Variants in RXRA observed in about 807,000 individuals in gnomAD.
The protein encoded by RXRA is retinoid X receptor alpha.
RXRA carries 5 observed loss-of-function variants against 44.5 expected under a neutral mutation model. The observed-to-expected ratio is 0.11, with a 90% CI of 0.06 to 0.24. The LOEUF (loss-of-function observed/expected upper bound fraction) is 0.24. Ranked by LOEUF, RXRA falls within the 10% of genes least tolerant of loss-of-function variation. The pLI, the probability that RXRA is intolerant of heterozygous loss-of-function variation, is 1.00. For missense variants in RXRA, 412 were observed against 646.5 expected, an observed-to-expected ratio of 0.64 and a Z score of 3.93; for synonymous variants, 291 against 271.4, an observed-to-expected ratio of 1.07 and a Z score of -0.71.
At chr9:134,340,005 G>T (rs1224983088) in intron 1 of RXRA, among the ~76,000 whole-genome samples, 2 of 152,190 alleles carry the variant, frequency 1.3e-5, no homozygotes, top group African/African-American at 4.8e-5. Flanking sequence ...GCACATCTGT[G>T]TCCATGTCTG....
chr9:134,408,882 G>A (rs956088174), intron 3 of RXRA, 58 bp from the exon 4 acceptor site: 285 of 1,428,588 alleles, frequency 2.0e-4, no homozygotes, highest in Non-Finnish European at 2.6e-4. Context: ...TGGATGGGGG[G>A]TGGGCTCCCT....
At chr9:134,395,809 C>T (rs1393022580) in intron 1 of RXRA, among the ~76,000 whole-genome samples, 3 of 152,254 alleles carry the variant, frequency 2.0e-5, no homozygotes, top group African/African-American at 7.2e-5. Context: ...CCAATCTGGC[C>T]TGTCCTCAGA....
At chr9:134,364,406 G>T (rs1267476185) in intron 1 of RXRA, among the ~76,000 whole-genome samples, 1 of 152,230 alleles carries the variant, frequency 6.6e-6, no homozygotes, top group East Asian at 1.9e-4. Flanking sequence ...CCGACTCCAG[G>T]AAGGGCCTAG....
intron 1 of RXRA, among the ~76,000 whole-genome samples, chr9:134,380,526 G>C (rs1830628017): frequency 6.6e-6 from 1 of 152,134 alleles, no homozygotes; most frequent in African/African-American, 2.4e-5. Context: ...AGGCTGGGAG[G>C]TAGACAGGAC....
At chr9:134,350,993 C>G (rs149124433) in intron 1 of RXRA, among the ~76,000 whole-genome samples, 1 of 152,256 alleles carries the variant, frequency 6.6e-6, no homozygotes, top group Non-Finnish European at 1.5e-5. Flanking sequence ...GCTGAGCATC[C>G]CTCACCTGCC....
intron 1 of RXRA, among the ~76,000 whole-genome samples, chr9:134,337,326 G>C (rs1830022675): frequency 6.6e-6 from 1 of 152,120 alleles, no homozygotes; most frequent in Non-Finnish European, 1.5e-5. Context: ...CTGTCTGTCC[G>C]TCCGTCCATC....
intron 1 of RXRA, among the ~76,000 whole-genome samples, chr9:134,364,767 A>G (rs1041864260): frequency 6.6e-6 from 1 of 152,210 alleles, no homozygotes; most frequent in Non-Finnish European, 1.5e-5. Flanking sequence ...CTGGGGTTCC[A>G]TGCTTTGCCC....
At chr9:134,427,643 A>G (rs1256715280) in intron 6 of RXRA, among the ~76,000 whole-genome samples, 9 of 152,162 alleles carry the variant, frequency 5.9e-5, no homozygotes, top group African/African-American at 1.7e-4. Context: ...TGAAATGGGG[A>G]GAATGGGGAC....
chr9:134,427,590 G>A (rs1831455963), intron 6 of RXRA, among the ~76,000 whole-genome samples: 1 of 152,204 alleles, frequency 6.6e-6, no homozygotes, highest in Non-Finnish European at 1.5e-5. Context: ...GGGCGGCCTC[G>A]GGGGTGGGAA....
chr9:134,361,952 G>A (rs779245632), intron 1 of RXRA, among the ~76,000 whole-genome samples: 6 of 152,312 alleles, frequency 3.9e-5, no homozygotes, highest in South Asian at 2.1e-4. Context: ...CTCCGGCTGC[G>A]CTGGGTTTCT....
chr9:134,435,862 G>A (rs1030864881), intron 9 of RXRA, among the ~76,000 whole-genome samples: 2 of 152,168 alleles, frequency 1.3e-5, no homozygotes, highest in Non-Finnish European at 2.9e-5. Context: ...CGGCTGTCAT[G>A]GCCCACAGTT....
intron 1 of RXRA, among the ~76,000 whole-genome samples, chr9:134,359,137 G>A (rs1461248451): frequency 6.6e-6 from 1 of 152,112 alleles, no homozygotes; most frequent in Non-Finnish European, 1.5e-5. Flanking sequence ...GAAGGCAGAG[G>A]TGTTCTTCCT....
chr9:134,376,183 G>A (rs1244458534), intron 1 of RXRA, among the ~76,000 whole-genome samples: 2 of 152,210 alleles, frequency 1.3e-5, no homozygotes, highest in African/African-American at 4.8e-5. Flanking sequence ...CTCTGCAGGC[G>A]CAGCCAGGCC....
At chr9:134,362,436 A>G (rs940531670) in intron 1 of RXRA, among the ~76,000 whole-genome samples, 18 of 152,156 alleles carry the variant, frequency 1.2e-4, no homozygotes, top group Admixed American at 2.6e-4. Flanking sequence ...TCATGCCACA[A>G]ACTGTGTTTC....
intron 1 of RXRA, among the ~76,000 whole-genome samples, chr9:134,378,013 C>G (rs1216766002): frequency 2.6e-5 from 4 of 152,268 alleles, no homozygotes; most frequent in African/African-American, 9.6e-5. Context: ...GGCCTGGCCC[C>G]TGTGCTGTCC....
chr9:134,401,403 C>G (rs548289218), intron 1 of RXRA: 1 of 650,366 alleles, frequency 1.5e-6, no homozygotes, highest in African/African-American at 1.8e-5. Flanking sequence ...CAGGCCCAGC[C>G]TAAAGCCGGG....
chr9:134,342,457 G>A lies in RXRA; in HGVS notation c.28+15798G>A, dbSNP rs1830097067. 6.6e-6 allele frequency among the ~76,000 whole-genome samples: 1 copy of A among 152,238 alleles called. No homozygotes were observed. Among genetic ancestry groups the A allele is most frequent in the African/African-American group, 2.4e-5 (1 of 41,458 alleles). On this transcript the variant is annotated intron_variant, in intron 1 of 9. Transcript: ENST00000481739. This position sits in a 1 kb window ranked among gnomAD's most constrained non-coding sequence, Gnocchi z 4.4. ...TTCCCTGCCAGGAAACTGAGGCACAGAGAGCAGGGGTCCCCCAGGTGGTCA... is the reference window on the plus strand; with the variant it reads ...TTCCCTGCCAGGAAACTGAGGCACAAAGAGCAGGGGTCCCCCAGGTGGTCA...
rs563547236 is a variant in RXRA, at chr9:134,382,724, A to G, written c.29-18908A>G. Among the ~76,000 whole-genome samples, 286 of 152,182 alleles carry G rather than the reference A, an allele frequency of 1.9e-3. 1 individual carries two copies. Among genetic ancestry groups the G allele is most frequent in the African/African-American group, 6.6e-3 (272 of 41,518 alleles). On this transcript the variant is annotated intron_variant, in intron 1 of 9. Coordinates refer to ENST00000481739, the MANE Select transcript of RXRA (RefSeq NM_002957.6). ...GAGGGTGGGCAGCTAACTATGTAACAGCCGGGTCTCTGGGAGGCCCTGGTC... is the reference window on the plus strand; with the variant it reads ...GAGGGTGGGCAGCTAACTATGTAACGGCCGGGTCTCTGGGAGGCCCTGGTC...
chr9:134,424,403 C>T (rs1373929451), intron 6 of RXRA: 1 of 985,306 alleles, frequency 1.0e-6, no homozygotes, highest in Non-Finnish European at 1.2e-6. Context: ...AGCCTGACCT[C>T]CCCCTGGGCG....
Sources: allele counts gnomAD v4.1 joint callset (sites outside exome capture counted in the v4.1 genomes callset), GRCh38; gene constraint gnomAD v4.1.1; non-coding constraint Gnocchi (gnomAD v3.1); transcripts MANE v1.5; gene names NCBI Gene and HGNC (gene_info 2026-07-23, HGNC 2026-07-21).